The following NDUFS5 variants were observed in gnomAD, a reference collection of about 807,000 sequenced individuals.
NDUFS5 encodes NADH dehydrogenase [ubiquinone] iron-sulfur protein 5.
Under a neutral mutation model 10.5 loss-of-function variants are expected in NDUFS5, and 7 were observed. The observed-to-expected ratio is 0.66, with a 90% CI of 0.38 to 1.25. The LOEUF (loss-of-function observed/expected upper bound fraction) is 1.25, where lower values mean the gene tolerates loss of function less well. Among genes scored for constraint, NDUFS5 ranks in the 50% most tolerant of loss-of-function variants. NDUFS5 has a pLI of 0.02. For synonymous variants in NDUFS5, 38 were observed against 44.0 expected (o/e 0.86, Z 0.54); for missense variants, 148 against 140.7 (o/e 1.05, Z -0.26).
At chr1:39,029,088 G>T (rs3768322) in intron 2 of NDUFS5, 148 bp downstream of exon 2, 1 of 693,180 alleles carries the variant, frequency 1.4e-6, no homozygotes, top group Non-Finnish European at 2.4e-6. Flanking sequence ...TGCCTCCCAG[G>T]TTCAGGCGAT....
intron 1 of NDUFS5, among the ~76,000 whole-genome samples, chr1:39,027,451 T>G (rs2148079753): frequency 6.6e-6 from 1 of 152,286 alleles, no homozygotes; most frequent in South Asian, 2.1e-4. Context: ...TCAGTCATTT[T>G]AGGCAGTCAG....
chr1:39,030,613 A>G (rs942697255), intron 2 of NDUFS5, among the ~76,000 whole-genome samples: 19 of 151,108 alleles, frequency 1.3e-4, no homozygotes, highest in African/African-American at 3.9e-4. Context: ...AGGCTGAGGC[A>G]GGAGGCTGAG....
chr1:39,032,667 AG>A (rs1244635172), intron 2 of NDUFS5, among the ~76,000 whole-genome samples: 2 of 152,248 alleles, frequency 1.3e-5, no homozygotes, highest in East Asian at 3.9e-4. Flanking sequence ...AAAAATAACA[AG>A]TAAAAATACA....
At chr1:39,030,869 A>G (rs4660942) in intron 2 of NDUFS5, among the ~76,000 whole-genome samples, 106,943 of 151,944 alleles carry the variant, frequency 0.7, 39,726 homozygotes, top group Non-Finnish European at 0.85. Flanking sequence ...TTGTTGGTTG[A>G]TTAATTTTAA....
At chr1:39,030,407 GAAAA>G (rs35007555) in intron 2 of NDUFS5, among the ~76,000 whole-genome samples, 4 of 133,764 alleles carry the variant, frequency 3.0e-5, no homozygotes, top group African/African-American at 1.1e-4. Context: ...TCCGTCTCAA[GAAAA>G]AAAAAAAAAA....
intron 2 of NDUFS5, among the ~76,000 whole-genome samples, chr1:39,034,142 A>G (rs1325833611): frequency 6.6e-6 from 1 of 152,176 alleles, no homozygotes; most frequent in African/African-American, 2.4e-5. Context: ...GCAAATATCC[A>G]TATTGCTATA....
intron 2 of NDUFS5, among the ~76,000 whole-genome samples, chr1:39,031,305 C>T (rs1644189228): frequency 6.6e-6 from 1 of 151,926 alleles, no homozygotes; most frequent in African/African-American, 2.4e-5. Flanking sequence ...GCCACCACAC[C>T]CATCCTGTTA....
chr1:39,032,033 C>A (rs1268545404), intron 2 of NDUFS5, among the ~76,000 whole-genome samples: 1 of 152,070 alleles, frequency 6.6e-6, no homozygotes, highest in Non-Finnish European at 1.5e-5. Flanking sequence ...TAAGGGGGTG[C>A]CTGTAATCCC....
At chr1:39,034,159 A>G (rs1352822766) in intron 2 of NDUFS5, among the ~76,000 whole-genome samples, 1 of 152,190 alleles carries the variant, frequency 6.6e-6, no homozygotes, top group Non-Finnish European at 1.5e-5. Flanking sequence ...TATATATATT[A>G]AGAACATTTT....
intron 2 of NDUFS5, among the ~76,000 whole-genome samples, chr1:39,032,879 T>C (rs1644198895): frequency 6.6e-6 from 1 of 152,168 alleles, no homozygotes; most frequent in Admixed American, 6.6e-5. Context: ...GTCCCTGAGC[T>C]GACTGGAGGG....
Position 39,028,951 on chromosome 1 carries a change from G to C in NDUFS5, c.216+11G>C. On this transcript the variant is annotated intron_variant, in intron 2 of 2. Transcript: ENST00000372969. ...CTTCGGCAGAAAACGGTAAGGAAAT[G>C]ATGGAGGTGGAAGCTGAATTACTTT... is the stretch of plus-strand genomic sequence containing the variant. The C allele has an allele frequency of 6.2e-7, 1 of 1,603,492 alleles. No individual in the cohort carries two copies. The highest frequency in any genetic ancestry group is 8.5e-7 in the Non-Finnish European group (1 of 1,171,396).
At chr1:39,032,585 A>G in intron 2 of NDUFS5, among the ~76,000 whole-genome samples, 1 of 118,946 alleles carries the variant, frequency 8.4e-6, no homozygotes, top group Non-Finnish European at 1.9e-5. Flanking sequence ...CACTAGGAAT[A>G]CAGTAAGCAA....
rs896242898 is a variant in NDUFS5 at position 39,034,519 on chromosome 1, G to A, written c.*23G>A. 9 of 1,603,634 alleles carry A rather than the reference G, an allele frequency of 5.6e-6. No individual in the cohort carries two copies. Among genetic ancestry groups the A allele is most frequent in the African/African-American group, 1.3e-5 (1 of 74,644 alleles). The stretch of plus-strand genomic sequence containing the variant: ...TGAACAGAGCAGCTGCTGATGTCTG[G>A]AGGCTGATTTTCCTGTTCTCTGTTC... On this transcript the variant is annotated 3_prime_UTR_variant, in exon 3 of 3. Transcript: ENST00000372969.
chr1:39,026,824 A>C (rs1644151932), intron 1 of NDUFS5, among the ~76,000 whole-genome samples: 1 of 152,062 alleles, frequency 6.6e-6, no homozygotes, highest in Non-Finnish European at 1.5e-5. Flanking sequence ...CAACTGGAAC[A>C]CTCTGCCCAC....
Position 39,034,505 on chromosome 1 carries a change from G to T in NDUFS5, c.*9G>T. The T allele has an allele frequency of 6.2e-7, 1 of 1,611,320 alleles. No individual in the cohort carries two copies. On this transcript the variant is annotated 3_prime_UTR_variant, in exon 3 of 3. Transcript: ENST00000372969. ...GGGAGCCTCGGCCCTGAACAGAGCAGCTGCTGATGTCTGGAGGCTGATTTT... is the reference window on the plus strand; with the variant it reads ...GGGAGCCTCGGCCCTGAACAGAGCATCTGCTGATGTCTGGAGGCTGATTTT...
At chr1:39,026,786 C>T (rs1557650674) in intron 1 of NDUFS5, among the ~76,000 whole-genome samples, 2 of 152,364 alleles carry the variant, frequency 1.3e-5, no homozygotes, top group East Asian at 3.9e-4. Context: ...ATAGCCAGCA[C>T]TTCCGGCTGT....
intron 2 of NDUFS5, 72 bp from the exon 3 acceptor site, chr1:39,034,320 A>G: frequency 6.9e-7 from 1 of 1,450,674 alleles, no homozygotes; most frequent in South Asian, 1.2e-5. Context: ...ACCAAAATTG[A>G]TCTGTTTTTC....
intron 2 of NDUFS5, among the ~76,000 whole-genome samples, chr1:39,030,384 G>A (rs59709948): frequency 0.054 from 7,923 of 145,844 alleles, 585 homozygotes; most frequent in African/African-American, 0.18. Flanking sequence ...CAGCCTGGGC[G>A]ACAGAGCGAG....
At chr1:39,031,078 C>T (rs1644187692) in intron 2 of NDUFS5, among the ~76,000 whole-genome samples, 1 of 152,038 alleles carries the variant, frequency 6.6e-6, no homozygotes, top group African/African-American at 2.4e-5. Context: ...CCATGTTGCC[C>T]AGGCTGATCT....
Sources: allele counts gnomAD v4.1 joint callset (sites outside exome capture counted in the v4.1 genomes callset), GRCh38; gene constraint gnomAD v4.1.1; transcripts MANE v1.5; gene names NCBI Gene and HGNC (gene_info 2026-07-23, HGNC 2026-07-21).